The following ADCY2 variants were observed in gnomAD, a reference collection of about 807,000 sequenced individuals.
ADCY2 encodes the protein adenylate cyclase type 2.
A neutral mutation model predicts 125.2 loss-of-function variants in ADCY2; 31 were observed. The ratio of observed to expected loss-of-function variants is 0.25; its 90% confidence interval spans 0.19 to 0.33. The LOEUF is 0.33. ADCY2 is among the 10% of genes least tolerant of loss of function. The pLI, the probability that ADCY2 is intolerant of heterozygous loss-of-function variation, is 1.00. For missense variants in ADCY2, 904 were observed against 1,418.2 expected, an observed-to-expected ratio of 0.64 and a Z score of 5.82; for synonymous variants, 512 against 548.4, an observed-to-expected ratio of 0.93 and a Z score of 0.93.
intron 4 of ADCY2, among the ~76,000 whole-genome samples, chr5:7,654,764 A>G (rs1739262177): frequency 6.6e-6 from 1 of 152,186 alleles, no homozygotes; most frequent in Non-Finnish European, 1.5e-5. Flanking sequence ...CATTGCTGCC[A>G]CTGAAAATGC....
intron 15 of ADCY2, among the ~76,000 whole-genome samples, chr5:7,752,532 G>C (rs536609876): frequency 2.0e-5 from 3 of 151,464 alleles, no homozygotes; most frequent in African/African-American, 7.3e-5. Context: ...TTCTCTTCAA[G>C]TGTCTCATCT....
chr5:7,639,802 A>T (rs1738631179), intron 4 of ADCY2, among the ~76,000 whole-genome samples: 1 of 152,178 alleles, frequency 6.6e-6, no homozygotes, highest in African/African-American at 2.4e-5. Flanking sequence ...AACAGCAGAG[A>T]TTTACAATGC....
Position 7,729,827 on chromosome 5 carries a change from A to T in ADCY2, c.1871+2566A>T, listed in dbSNP as rs150409985. 2.7e-3 allele frequency among the ~76,000 whole-genome samples: 402 copies of T among 148,434 alleles called. 2 individuals are homozygous for T. The highest frequency in any genetic ancestry group is 4.7e-3 in the Non-Finnish European group (313 of 67,244). On this transcript the variant is annotated intron_variant, in intron 14 of 24. Transcript: ENST00000338316. The stretch of plus-strand genomic sequence containing the variant: ...TTTCAATATATATTATTTATATTAA[A>T]GAATAAAATATATAATTATTTATAA...
intron 3 of ADCY2, among the ~76,000 whole-genome samples, chr5:7,623,911 G>T (rs1738037753): frequency 6.6e-6 from 1 of 152,082 alleles, no homozygotes; most frequent in African/African-American, 2.4e-5. Context: ...GCAATTCCCA[G>T]CAAAGATTTT....
At chr5:7,516,993 G>A (rs866141586) in intron 2 of ADCY2, among the ~76,000 whole-genome samples, 1 of 152,082 alleles carries the variant, frequency 6.6e-6, no homozygotes, top group Non-Finnish European at 1.5e-5. Flanking sequence ...TGGGTTTTTG[G>A]AGACAGAGGC....
intron 4 of ADCY2, among the ~76,000 whole-genome samples, chr5:7,657,617 T>A (rs1739383067): frequency 1.3e-5 from 2 of 152,308 alleles, no homozygotes; most frequent in Admixed American, 6.5e-5. Context: ...TTTTAATGCA[T>A]AAACAAAGTA....
chr5:7,445,229 T>C (rs1561029547), intron 2 of ADCY2, among the ~76,000 whole-genome samples: 1 of 152,208 alleles, frequency 6.6e-6, no homozygotes, highest in Non-Finnish European at 1.5e-5. Flanking sequence ...AGATTACTGA[T>C]TCATGGGGCA....
chr5:7,787,832 G>A (rs1215513348), intron 19 of ADCY2, among the ~76,000 whole-genome samples: 1 of 152,026 alleles, frequency 6.6e-6, no homozygotes, highest in Non-Finnish European at 1.5e-5. Context: ...AATAACAATG[G>A]CTCTGAAAAC....
At chr5:7,694,233 C>T (rs1740814577) in intron 5 of ADCY2, among the ~76,000 whole-genome samples, 2 of 152,158 alleles carry the variant, frequency 1.3e-5, no homozygotes, top group Admixed American at 1.3e-4. Context: ...TGGCTGAGAC[C>T]CTGCTGACTG....
At chr5:7,539,324 C>A in intron 3 of ADCY2, among the ~76,000 whole-genome samples, 1 of 151,438 alleles carries the variant, frequency 6.6e-6, no homozygotes, top group South Asian at 2.1e-4. Flanking sequence ...TATTCCAGTA[C>A]TTTTCAAAGG....
chr5:7,446,238 A>G (rs1168796258), intron 2 of ADCY2, among the ~76,000 whole-genome samples: 1 of 152,234 alleles, frequency 6.6e-6, no homozygotes, highest in Non-Finnish European at 1.5e-5. Context: ...GTTTTTGGAA[A>G]TGAATTTCAT....
chr5:7,486,400 T>C (rs1742929280), intron 2 of ADCY2, among the ~76,000 whole-genome samples: 1 of 152,218 alleles, frequency 6.6e-6, no homozygotes, highest in South Asian at 2.1e-4. Flanking sequence ...GTTTATAAAC[T>C]TTCTGTGCGA....
At chr5:7,569,039 T>G (rs1021346385) in intron 3 of ADCY2, among the ~76,000 whole-genome samples, 1 of 152,136 alleles carries the variant, frequency 6.6e-6, no homozygotes, top group South Asian at 2.1e-4. Context: ...TATTTTGCAT[T>G]AAGAGGTTTA....
intron 3 of ADCY2, among the ~76,000 whole-genome samples, chr5:7,613,217 G>A (rs773245834): frequency 5.3e-5 from 8 of 152,020 alleles, no homozygotes; most frequent in Non-Finnish European, 1.2e-4. Context: ...CTCTGAGACA[G>A]GCACACTGGA....
At chr5:7,696,081 T>G (rs1740882603) in intron 6 of ADCY2, among the ~76,000 whole-genome samples, 1 of 152,252 alleles carries the variant, frequency 6.6e-6, no homozygotes, top group Non-Finnish European at 1.5e-5. Flanking sequence ...CGTTTTTATC[T>G]ATTTTAAAAC....
At chr5:7,704,842 C>A (rs982997831) in intron 7 of ADCY2, among the ~76,000 whole-genome samples, 3 of 149,550 alleles carry the variant, frequency 2.0e-5, no homozygotes, top group Non-Finnish European at 3.0e-5. Flanking sequence ...CACGCCACTG[C>A]ACTCCAACCT....
At chr5:7,488,831 C>A (rs368887109) in intron 2 of ADCY2, among the ~76,000 whole-genome samples, 1 of 152,098 alleles carries the variant, frequency 6.6e-6, no homozygotes, top group Non-Finnish European at 1.5e-5. Flanking sequence ...CAGCCCACAA[C>A]ACCAAGATTC....
chr5:7,460,368 A>AT (rs1421938783), intron 2 of ADCY2, among the ~76,000 whole-genome samples: 7 of 152,178 alleles, frequency 4.6e-5, no homozygotes, highest in Non-Finnish European at 1.0e-4. Flanking sequence ...AGCTGGGACT[A>AT]TAGGTCCATG....
At chr5:7,675,774 TGTAG>T (rs1428818071) in intron 4 of ADCY2, among the ~76,000 whole-genome samples, 1 of 152,132 alleles carries the variant, frequency 6.6e-6, no homozygotes, top group East Asian at 1.9e-4. Context: ...TGGGCAGGTG[TGTAG>T]GTAGGACTGG....
Sources: gnomAD v4.1 joint callset for allele counts (sites outside exome capture counted in the v4.1 genomes callset) on GRCh38, gnomAD v4.1.1 for gene constraint, MANE v1.5 for transcripts, NCBI Gene and HGNC (gene_info 2026-07-23, HGNC 2026-07-21) for gene names.